The following AGBL1 variants were observed in gnomAD, a reference collection of about 807,000 sequenced individuals.
The protein encoded by AGBL1 is cytosolic carboxypeptidase 4.
Under a neutral mutation model 118.9 loss-of-function variants are expected in AGBL1, and 130 were observed. That is an observed-to-expected ratio of 1.09 (90% CI 0.95 to 1.26). AGBL1 has a LOEUF of 1.26. AGBL1 is among the 50% of genes most tolerant of loss of function. The pLI, the probability that AGBL1 is intolerant of heterozygous loss-of-function variation, is 0.00. For missense variants in AGBL1, 1,584 were observed against 1,298.1 expected, an observed-to-expected ratio of 1.22 and a Z score of -3.38; for synonymous variants, 555 against 478.9, an observed-to-expected ratio of 1.16 and a Z score of -2.08.
intron 17 of AGBL1, among the ~76,000 whole-genome samples, chr15:86,392,244 C>T (rs1337360764): frequency 6.6e-6 from 1 of 151,818 alleles, no homozygotes; most frequent in African/African-American, 2.4e-5. Flanking sequence ...GTACCTTTTT[C>T]TGTTGACAGA....
chr15:86,163,598 G>C (rs533882942), intron 5 of AGBL1, among the ~76,000 whole-genome samples: 1 of 151,972 alleles, frequency 6.6e-6, no homozygotes, highest in South Asian at 2.1e-4. Flanking sequence ...CATGGTGGTG[G>C]ATTCCTGTAA....
chr15:86,135,123 G>C (rs777401168), intron 1 of AGBL1, among the ~76,000 whole-genome samples: 1 of 152,300 alleles, frequency 6.6e-6, no homozygotes, highest in East Asian at 1.9e-4. Flanking sequence ...GAATGGCTGA[G>C]TGCCACTGTC....
chr15:86,238,385 G>C (rs558863709), intron 6 of AGBL1, among the ~76,000 whole-genome samples: 1 of 152,292 alleles, frequency 6.6e-6, no homozygotes, highest in African/African-American at 2.4e-5. Flanking sequence ...TGGGTTTTGG[G>C]TGTGTGAACA....
chr15:86,095,708 G>C (rs34024222), intron 1 of AGBL1, among the ~76,000 whole-genome samples: 12 of 130,832 alleles, frequency 9.2e-5, no homozygotes, highest in African/African-American at 3.6e-4. Flanking sequence ...ATACTGCTGA[G>C]AGCTGTTGGT....
At chr15:86,420,122 A>G (rs2142022399) in intron 18 of AGBL1, among the ~76,000 whole-genome samples, 2 of 152,312 alleles carry the variant, frequency 1.3e-5, no homozygotes, top group South Asian at 4.1e-4. Flanking sequence ...CTACTAAGGA[A>G]CAGACTACCT....
At position 86,984,408 on chromosome 15, in the gene AGBL1, G is replaced by A. The variant is rs554949425; in HGVS notation, c.3222-3579G>A. 3.4e-3 allele frequency among the ~76,000 whole-genome samples: 511 copies of A among 149,108 alleles called. 1 individual carries two copies. Among genetic ancestry groups the A allele is most frequent in the Non-Finnish European group, 5.8e-3 (394 of 67,412 alleles). The stretch of plus-strand genomic sequence containing the variant: ...GAGACAGAGTTTCACTCTGTCGCCC[G>A]GGCTGGAGTGCAGTGGCGTGATCTC... On this transcript the variant is annotated intron_variant, in intron 23 of 24. Transcript: ENST00000441037.
intron 17 of AGBL1, among the ~76,000 whole-genome samples, chr15:86,384,138 G>C (rs74027532): frequency 0.036 from 5,491 of 152,242 alleles, 327 homozygotes; most frequent in African/African-American, 0.13. Context: ...TAGGGCAGGA[G>C]CTCTGGAAGG....
At position 86,613,934 on chromosome 15, in the gene AGBL1, G is replaced by C. The variant is rs1383229563; in HGVS notation, c.2994+59397G>C. On this transcript the variant is annotated intron_variant, in intron 21 of 22. Transcript: ENST00000614907. The surrounding 1 kb of genome is among the most constrained non-coding windows in gnomAD (Gnocchi z 4.2). ...AAGTAGTTCAAATAATTAATGGATA[G>C]GTGGATTCCTTTCCATCTCCTAAGG... Among the ~76,000 whole-genome samples, 1 of 152,168 alleles carries C rather than the reference G, an allele frequency of 6.6e-6. No homozygotes were observed. The highest frequency in any genetic ancestry group is 1.5e-5 in the Non-Finnish European group (1 of 68,022).
chr15:86,563,214 T>G (rs1251021528), intron 21 of AGBL1, among the ~76,000 whole-genome samples: 1 of 152,176 alleles, frequency 6.6e-6, no homozygotes, highest in Non-Finnish European at 1.5e-5. Context: ...CTTGCTTCTC[T>G]AGTTCTTTCA....
At chr15:86,805,792 A>G (rs1158251460) in intron 22 of AGBL1, among the ~76,000 whole-genome samples, 3 of 152,286 alleles carry the variant, frequency 2.0e-5, no homozygotes, top group East Asian at 3.9e-4. Context: ...ACAACCAACT[A>G]CAACACACTC....
chr15:86,665,468 T>C (rs2085628370), intron 21 of AGBL1, among the ~76,000 whole-genome samples: 1 of 152,138 alleles, frequency 6.6e-6, no homozygotes, highest in Non-Finnish European at 1.5e-5. Flanking sequence ...AAGAGAATCA[T>C]AGTATTTTAT....
chr15:86,294,785 C>T (rs927102004), intron 16 of AGBL1, among the ~76,000 whole-genome samples: 3 of 151,996 alleles, frequency 2.0e-5, no homozygotes, highest in Non-Finnish European at 4.4e-5. Context: ...TTTATGGGTA[C>T]GCGTGAAGTT....
intron 22 of AGBL1, among the ~76,000 whole-genome samples, chr15:86,878,804 G>T: frequency 6.6e-6 from 1 of 152,200 alleles, no homozygotes; most frequent in Non-Finnish European, 1.5e-5. Context: ...CTGAATGCCT[G>T]GTCTTCCTCC....
intron 18 of AGBL1, among the ~76,000 whole-genome samples, chr15:86,428,116 A>T (rs2081889602): frequency 6.6e-6 from 1 of 152,220 alleles, no homozygotes. Flanking sequence ...ATTAGTATTT[A>T]AAAAGGGTCC....
At chr15:86,834,535 C>T (rs774775095) in intron 22 of AGBL1, among the ~76,000 whole-genome samples, 36 of 152,246 alleles carry the variant, frequency 2.4e-4, no homozygotes, top group Non-Finnish European at 4.6e-4. Flanking sequence ...AATAGAAGTA[C>T]CTCTGTATTG....
chr15:87,030,137 G>A (rs1400590734), downstream of AGBL1, among the ~76,000 whole-genome samples: 1 of 151,978 alleles, frequency 6.6e-6, no homozygotes, highest in Non-Finnish European at 1.5e-5. Flanking sequence ...ATTTGTGGCT[G>A]TAGTTGAAGT....
intron 22 of AGBL1, among the ~76,000 whole-genome samples, chr15:86,888,423 C>T (rs146459748): frequency 6.9e-4 from 105 of 151,842 alleles, no homozygotes; most frequent in African/African-American, 2.5e-3. Flanking sequence ...GAATCATATA[C>T]CTTTATTTTA....
At chr15:86,113,247 C>A (rs62012429) in intron 1 of AGBL1, among the ~76,000 whole-genome samples, 18 of 56,726 alleles carry the variant, frequency 3.2e-4, no homozygotes, top group Non-Finnish European at 4.5e-4. Flanking sequence ...CTTTTCTTTT[C>A]TTTTCTTTTC....
chr15:86,476,167 A>G (rs1233278070), intron 18 of AGBL1, among the ~76,000 whole-genome samples: 1 of 152,238 alleles, frequency 6.6e-6, no homozygotes, highest in Non-Finnish European at 1.5e-5. Context: ...AAGAAACTGC[A>G]TCAACTAATG....
Sources: gnomAD v4.1 joint callset for allele counts (sites outside exome capture counted in the v4.1 genomes callset) on GRCh38, gnomAD v4.1.1 for gene constraint, Gnocchi (gnomAD v3.1) non-coding constraint, MANE v1.5 for transcripts, NCBI Gene and HGNC (gene_info 2026-07-23, HGNC 2026-07-21) for gene names.